Variants in RPUSD3 observed in about 807,000 individuals in gnomAD.
RPUSD3 encodes mitochondrial mRNA pseudouridine synthase RPUSD3.
In RPUSD3, 36 loss-of-function variants were observed where a neutral mutation model predicts 35.1. The ratio of observed to expected loss-of-function variants is 1.02; its 90% CI spans 0.79 to 1.35. The LOEUF is 1.35. Ranked by LOEUF, RPUSD3 falls within the 40% of genes most tolerant of loss-of-function variation. RPUSD3 has a pLI of 0.00. For synonymous variants in RPUSD3, 202 were observed against 187.8 expected (o/e 1.08, Z -0.62); for missense variants, 486 against 441.9 (o/e 1.10, Z -0.89).
At chr3:9,843,592 C>T in exon 2 of RPUSD3, 1 of 1,613,672 alleles carries the variant, frequency 6.2e-7, no homozygotes, top group South Asian at 1.1e-5. Context: ...CGCGGGGTTG[C>T]CTCTGATGCC....
intron 8 of RPUSD3, among the ~76,000 whole-genome samples, chr3:9,838,708 T>TA (rs751274586): frequency 6.6e-6 from 1 of 152,186 alleles, no homozygotes; most frequent in Non-Finnish European, 1.5e-5. Flanking sequence ...CTTAGTGTGT[T>TA]AGAGCAGGTA....
intron 8 of RPUSD3, 90 bp downstream of exon 8, chr3:9,838,942 C>G: frequency 6.3e-7 from 1 of 1,584,660 alleles, no homozygotes; most frequent in Non-Finnish European, 8.6e-7. Flanking sequence ...CCCAGTAGTC[C>G]CAAGCTGCAC....
At chr3:9,842,210 A>G (rs2082114944) in exon 3 of RPUSD3, 1 of 1,614,150 alleles carries the variant, frequency 6.2e-7, no homozygotes, top group Non-Finnish European at 8.5e-7. Flanking sequence ...TGTCACTGGT[A>G]GACCCTGTGG....
In RPUSD3 at chr3:9,841,633, GA is replaced by G. The variant is rs1244537319; in HGVS notation, c.407+349del. On this transcript the variant is annotated intron_variant, in intron 4 of 8. Coordinates refer to ENST00000383820, the Ensembl canonical transcript of RPUSD3. ...GATTATAGGCATGAGCCACCACGCG[GA>G]AAGTTTTGTTGTTGTTTTTCCAGAG... is the stretch of plus-strand genomic sequence containing the variant. The G allele has an allele frequency of 8.2e-5, 15 of 182,290 alleles. No individual in the cohort carries two copies. The East Asian group carries it at 1.4e-3, about 17-fold the overall frequency. 11.3% of individuals were successfully genotyped at this position (182,290 alleles called of 1,614,324 possible). A position where few individuals can be genotyped will look rare whatever the true frequency, so the allele number is the denominator to read the frequency against.
chr3:9,842,641 A>G (rs943364142), intron 2 of RPUSD3: 1 of 273,482 alleles, frequency 3.7e-6, no homozygotes, highest in African/African-American at 2.2e-5. Flanking sequence ...CCCGTTAGAG[A>G]GAAATCCATT....
chr3:9,839,464 G>A, intron 7 of RPUSD3: 1 of 253,748 alleles, frequency 3.9e-6, no homozygotes, highest in South Asian at 8.4e-5. Context: ...GTGCTAGCCT[G>A]AAGCTGCCTC....
exon 6 of RPUSD3, chr3:9,840,566 G>T: frequency 6.2e-7 from 1 of 1,614,080 alleles, no homozygotes. Flanking sequence ...CAGTTTCAGG[G>T]CAGCCTGGAT....
intron 5 of RPUSD3, 40 bp downstream of exon 5, chr3:9,840,658 G>C: frequency 6.2e-7 from 1 of 1,612,180 alleles, no homozygotes; most frequent in Non-Finnish European, 8.5e-7. Flanking sequence ...GGCTTGCTGG[G>C]ACCTCCCCAC....
Position 9,843,507 on chromosome 3 carries a change from C to A in RPUSD3, c.220G>T (p.Glu74Ter). 4 of 1,614,082 alleles carry A rather than the reference C, an allele frequency of 2.5e-6. No homozygotes were observed. Among genetic ancestry groups the A allele is most frequent in the South Asian group, 1.1e-5 (1 of 91,082 alleles). ...GCTGCCCGCAGCGCATCAACCAGCT[C>A]CTCCCGACTGAGGTTTTTTGGCAGC... The change falls in exon 2 of 9, where the codon GAG (glutamate) becomes TAG (stop). Residue 74 changes from glutamate to a stop codon, truncating the protein, a stop_gained. Coordinates refer to ENST00000383820, the Ensembl canonical transcript of RPUSD3. LOFTEE classifies it high-confidence loss of function.
intron 8 of RPUSD3, among the ~76,000 whole-genome samples, chr3:9,838,641 A>G (rs1026112950): frequency 3.3e-5 from 5 of 152,142 alleles, no homozygotes; most frequent in Admixed American, 3.3e-4. Flanking sequence ...GCCCACTCCC[A>G]TTATTTGACC....
At chr3:9,843,565 C>A (rs758698103) in exon 2 of RPUSD3, 5 of 1,613,736 alleles carry the variant, frequency 3.1e-6, no homozygotes, top group Non-Finnish European at 4.2e-6. Context: ...CGAGGGGCCC[C>A]GACCGTTGGC....
exon 1 of RPUSD3, chr3:9,843,990 T>C: frequency 6.3e-7 from 1 of 1,596,490 alleles, no homozygotes; most frequent in Non-Finnish European, 8.5e-7. Context: ...CGGCCGTCCA[T>C]CTCCCGAGCC....
rs1304804303 is a variant in RPUSD3, at chr3:9,843,918, C to A, written c.97G>T (p.Glu33Ter). 1 of 1,605,282 alleles carries A rather than the reference C, an allele frequency of 6.2e-7. No homozygotes were observed. Among genetic ancestry groups the A allele is most frequent in the African/African-American group, 1.3e-5 (1 of 74,828 alleles). Reference sequence around the variant, plus strand: ...GCTTCGGTGCCAAAGCCTGCGTCCTCGGGCACTGGGCGGACACCCAGGCCC... The same window carrying A: ...GCTTCGGTGCCAAAGCCTGCGTCCTAGGGCACTGGGCGGACACCCAGGCCC... The change falls in exon 1 of 9, where the codon GAG becomes TAG. Residue 33 changes from glutamate to a stop codon, truncating the protein, a stop_gained. Coordinates refer to ENST00000383820, the Ensembl canonical transcript of RPUSD3. LOFTEE classifies it high-confidence loss of function.
chr3:9,843,429 CCCGGTCCTTGTGCGG>C, intron 2 of RPUSD3, 21 bp downstream of exon 2: 1 of 1,612,004 alleles, frequency 6.2e-7, no homozygotes, highest in Non-Finnish European at 8.5e-7. Flanking sequence ...GCAGTCCCCT[CCCGGTCCTTGTGCGG>C]CCGTGCCTCT....
chr3:9,842,463 T>A, intron 2 of RPUSD3: 1 of 602,302 alleles, frequency 1.7e-6, no homozygotes, highest in Non-Finnish European at 3.0e-6. Flanking sequence ...TTCCCAGGTC[T>A]GGCTCCCTAT....
chr3:9,842,080 T>C (rs1405578426), exon 4 of RPUSD3: 6 of 1,609,732 alleles, frequency 3.7e-6, no homozygotes, highest in African/African-American at 1.3e-5. Flanking sequence ...TCTCCTGGTT[T>C]TCCTGGAAAG....
At chr3:9,837,885 G>T in exon 9 of RPUSD3, 1 of 937,270 alleles carries the variant, frequency 1.1e-6, no homozygotes, top group Non-Finnish European at 1.6e-6. Context: ...GTCCAGAGAG[G>T]TAAAGTTACT....
chr3:9,840,758 C>G (rs2125024728), exon 5 of RPUSD3: 3 of 1,614,158 alleles, frequency 1.9e-6, no homozygotes, highest in Non-Finnish European at 2.5e-6. Flanking sequence ...CTGGAGGCGA[C>G]TAGCTGTCTG....
chr3:9,840,494 T>C (rs1354317519), intron 6 of RPUSD3, 38 bp downstream of exon 6: 2 of 1,597,416 alleles, frequency 1.3e-6, no homozygotes, highest in East Asian at 2.2e-5. Context: ...GGGTACTATA[T>C]CTAGAAGCAC....
Sources: allele counts gnomAD v4.1 joint callset (sites outside exome capture counted in the v4.1 genomes callset), GRCh38; gene constraint gnomAD v4.1.1; transcripts MANE v1.5; gene names NCBI Gene and HGNC (gene_info 2026-07-23, HGNC 2026-07-21).